Variants in PIK3CD observed in about 807,000 individuals in gnomAD.
The protein encoded by PIK3CD is phosphatidylinositol 4,5-bisphosphate 3-kinase catalytic subunit delta isoform.
PIK3CD carries 20 observed loss-of-function variants against 122.9 expected under a neutral mutation model. That is an observed-to-expected ratio of 0.16 (90% confidence interval 0.11 to 0.24). The LOEUF is 0.24. Among genes scored for constraint, PIK3CD ranks in the 10% least tolerant of loss-of-function variants. PIK3CD has a pLI of 1.00. For missense variants in PIK3CD, 787 were observed against 1,406.3 expected (o/e 0.56, Z 7.04); for synonymous variants, 596 against 593.4 (o/e 1.00, Z -0.06).
In PIK3CD at chr1:9,721,436, C is replaced by A; in HGVS notation, c.1812-8C>A. 1.2e-6 allele frequency: 2 copies of A among 1,613,298 alleles called. No homozygotes were observed. Among genetic ancestry groups the A allele is most frequent in the Non-Finnish European group, 8.5e-7 (1 of 1,180,024 alleles). On this transcript the variant is annotated splice_region_variant and splice_polypyrimidine_tract_variant and intron_variant, in intron 14 of 23. Coordinates refer to ENST00000377346, the MANE Select transcript of PIK3CD (RefSeq NM_005026.5). Reference sequence around the variant, plus strand: ...AGCTCCAGGCCCCAGCGCCTTCCTTCCCTGCAGGGACGATGAGCTGTTCCA... The same window carrying A: ...AGCTCCAGGCCCCAGCGCCTTCCTTACCTGCAGGGACGATGAGCTGTTCCA...
chr1:9,696,737 AAG>A (rs989011472), intron 2 of PIK3CD, among the ~76,000 whole-genome samples: 3 of 151,800 alleles, frequency 2.0e-5, no homozygotes, highest in Non-Finnish European at 2.9e-5. Flanking sequence ...AAAAAAAAAA[AAG>A]AGAGAAGAAA....
chr1:9,694,409 C>G (rs901514701), intron 2 of PIK3CD, among the ~76,000 whole-genome samples: 3 of 152,232 alleles, frequency 2.0e-5, no homozygotes, highest in Admixed American at 2.0e-4. Context: ...TGGCGCGTGC[C>G]TGTAATCCCA....
intron 2 of PIK3CD, among the ~76,000 whole-genome samples, chr1:9,707,165 G>A (rs1025549086): frequency 6.6e-6 from 1 of 151,786 alleles, no homozygotes; most frequent in Non-Finnish European, 1.5e-5. Flanking sequence ...TACCTATGTG[G>A]TTCCCGTTGC....
chr1:9,707,950 C>T (rs578155430), intron 2 of PIK3CD, among the ~76,000 whole-genome samples: 146 of 151,640 alleles, frequency 9.6e-4, no homozygotes, highest in African/African-American at 3.4e-3. Context: ...CCCGCCACCA[C>T]GCCCAGCTAA....
At chr1:9,713,705 C>T (rs551920201) in intron 3 of PIK3CD, among the ~76,000 whole-genome samples, 17 of 152,092 alleles carry the variant, frequency 1.1e-4, no homozygotes, top group Non-Finnish European at 2.4e-4. Context: ...ATCTTCCCAT[C>T]TTAGCCTACT....
Position 9,718,634 on chromosome 1 carries a change from G to T in PIK3CD, c.1021-60G>T. 6.8e-7 allele frequency: 1 copy of T among 1,472,630 alleles called. No homozygotes were observed. The highest frequency in any genetic ancestry group is 2.0e-4 in the Middle Eastern group (1 of 5,014). 91.2% of individuals were successfully genotyped at this position (1,472,630 alleles called of 1,614,324 possible). Reference sequence around the variant, plus strand: ...TCAAGGGGGAGACTGACACCTTAAGGGGGAGGGGAGAGGGGCTGGGCCTCT... The same window carrying T: ...TCAAGGGGGAGACTGACACCTTAAGTGGGAGGGGAGAGGGGCTGGGCCTCT... On this transcript the variant is annotated intron_variant, in intron 8 of 23. Coordinates refer to ENST00000377346, the MANE Select transcript of PIK3CD (RefSeq NM_005026.5). The surrounding 1 kb of genome is among the most constrained non-coding windows in gnomAD (Gnocchi z 7.2).
chr1:9,684,913 T>TC (rs146162044), intron 1 of PIK3CD, among the ~76,000 whole-genome samples: 3,436 of 151,134 alleles, frequency 0.023, 127 homozygotes, highest in Admixed American at 0.092. Context: ...TTTTTTTTTT[T>TC]CTCTCTCTGC....
intron 1 of PIK3CD, among the ~76,000 whole-genome samples, chr1:9,664,981 T>C (rs543835688): frequency 6.6e-6 from 1 of 151,976 alleles, no homozygotes; most frequent in Non-Finnish European, 1.5e-5. Flanking sequence ...GATGGGAAGA[T>C]TGCTAGAGCC....
chr1:9,705,580 A>C (rs553400875), intron 2 of PIK3CD, among the ~76,000 whole-genome samples: 1 of 152,282 alleles, frequency 6.6e-6, no homozygotes, highest in Non-Finnish European at 1.5e-5. Context: ...GATGACTCAG[A>C]TTAGAAAATA....
rs956779537 is a variant in PIK3CD, at chr1:9,720,022, GC to G, written c.1339+8del. 6.2e-7 allele frequency: 1 copy of G among 1,613,448 alleles called. No homozygotes were observed. The highest frequency in any genetic ancestry group is 8.5e-7 in the Non-Finnish European group (1 of 1,179,994). ...ACATGTGGCCCTCCGTCCCAGGTCG[GC>G]CCAGGCCCAGGAGGGAGAGGCGTTG... is the stretch of plus-strand genomic sequence containing the variant. On this transcript the variant is annotated splice_donor_region_variant and intron_variant, in intron 10 of 23. Transcript: ENST00000377346. The surrounding 1 kb of genome is among the most constrained non-coding windows in gnomAD (Gnocchi z 9.0).
the PIK3CD span, among the ~76,000 whole-genome samples, chr1:9,635,832 C>T: frequency 6.6e-6 from 1 of 152,206 alleles, no homozygotes. Context: ...CTGATGGGTT[C>T]CCATCCCTGT....
chr1:9,648,542 G>A (rs147944762), upstream of PIK3CD, among the ~76,000 whole-genome samples: 593 of 152,324 alleles, frequency 3.9e-3, 4 homozygotes, highest in Non-Finnish European at 5.4e-3. Context: ...CTGCTCACTC[G>A]GCCGTCAGAG....
intron 1 of PIK3CD, 66 bp from the exon 2 acceptor site, chr1:9,691,401 C>G: frequency 5.0e-6 from 2 of 397,162 alleles, no homozygotes; most frequent in Non-Finnish European, 8.9e-6. Flanking sequence ...AGAGAATGCA[C>G]AGGTTTCTGA....
At chr1:9,658,425 G>A (rs1392959014) in intron 1 of PIK3CD, among the ~76,000 whole-genome samples, 1 of 151,368 alleles carries the variant, frequency 6.6e-6, no homozygotes, top group Non-Finnish European at 1.5e-5. Context: ...CCAGGTGAGG[G>A]TGGGGCTGGG....
chr1:9,663,531 G>T (rs2100862204), intron 1 of PIK3CD, among the ~76,000 whole-genome samples: 1 of 152,164 alleles, frequency 6.6e-6, no homozygotes, highest in African/African-American at 2.4e-5. Context: ...GGCTCTTCTG[G>T]TGGGCATTAA....
intron 1 of PIK3CD, among the ~76,000 whole-genome samples, chr1:9,678,109 A>T (rs1454029330): frequency 6.6e-6 from 1 of 150,600 alleles, no homozygotes; most frequent in Non-Finnish European, 1.5e-5. Flanking sequence ...GCGCCATTGC[A>T]GTCTAGCCTG....
the PIK3CD span, among the ~76,000 whole-genome samples, chr1:9,641,220 A>G: frequency 6.6e-6 from 1 of 152,196 alleles, no homozygotes; most frequent in East Asian, 1.9e-4. Context: ...GCTGCAAGAT[A>G]CACACTTGCT....
At chr1:9,674,852 C>T (rs1645458005) in intron 1 of PIK3CD, among the ~76,000 whole-genome samples, 1 of 150,730 alleles carries the variant, frequency 6.6e-6, no homozygotes, top group South Asian at 2.1e-4. Flanking sequence ...GGCAACATGG[C>T]AAAACCCCAT....
chr1:9,640,785 C>G, the PIK3CD span, among the ~76,000 whole-genome samples: 91 of 152,246 alleles, frequency 6.0e-4, no homozygotes, highest in African/African-American at 2.1e-3. Context: ...CTTTTCAGTG[C>G]TCTTTTGGTC....
Sources: allele counts gnomAD v4.1 joint callset (sites outside exome capture counted in the v4.1 genomes callset), GRCh38; gene constraint gnomAD v4.1.1; non-coding constraint Gnocchi (gnomAD v3.1); transcripts MANE v1.5; gene names NCBI Gene and HGNC (gene_info 2026-07-23, HGNC 2026-07-21).